CALN1: variants seen among roughly 807,000 people sequenced by gnomAD.
CALN1 encodes the protein calcium-binding protein 8.
A neutral mutation model predicts 30.6 loss-of-function variants in CALN1; 17 were observed. The observed-to-expected ratio is 0.56, with a 90% CI of 0.38 to 0.83. CALN1 has a LOEUF of 0.83. Among genes scored for constraint, CALN1 ranks in the 40% least tolerant of loss-of-function variants. The pLI, the probability that CALN1 is intolerant of heterozygous loss-of-function variation, is 0.00. For missense variants in CALN1, 291 were observed against 354.9 expected, an observed-to-expected ratio of 0.82 and a Z score of 1.45; for synonymous variants, 156 against 131.4, an observed-to-expected ratio of 1.19 and a Z score of -1.28.
chr7:71,865,952 T>C (rs1021029803), intron 5 of CALN1, among the ~76,000 whole-genome samples: 1 of 152,074 alleles, frequency 6.6e-6, no homozygotes, highest in Admixed American at 6.6e-5. Flanking sequence ...AACACAAAAG[T>C]ATACGAATAG....
At position 71,827,775 on chromosome 7, in the gene CALN1, A is replaced by AAATAAATAAAT. The variant is rs1554347604; in HGVS notation, c.502-17284_502-17283insATTTATTTATT. ...TGACAGAGTGAGACTCCATCTTAAA[A>AAATAAATAAAT]AAATAAATAAATAAATAAATAAATA... On this transcript the variant is annotated intron_variant, in intron 5 of 6. Transcript: ENST00000395275. Among the ~76,000 whole-genome samples the AAATAAATAAAT allele has an allele frequency of 5.6e-3, 786 of 140,330 alleles. 14 individuals are homozygous for AAATAAATAAAT. Among genetic ancestry groups the AAATAAATAAAT allele is most frequent in the African/African-American group, 0.02 (745 of 37,084 alleles). The allele number at this position is 140,330 out of a possible 152,430, so 92.1% of individuals were successfully genotyped here.
intron 2 of CALN1, among the ~76,000 whole-genome samples, chr7:72,326,242 CTGATCGTCCT>C (rs1801268166): frequency 6.6e-6 from 1 of 152,130 alleles, no homozygotes; most frequent in African/African-American, 2.4e-5. Context: ...AACTCAGATC[CTGATCGTCCT>C]TGCACAAAGG....
At chr7:72,427,359 C>G (rs1056719844) in intron 1 of CALN1, among the ~76,000 whole-genome samples, 1 of 152,138 alleles carries the variant, frequency 6.6e-6, no homozygotes, top group Non-Finnish European at 1.5e-5. Flanking sequence ...GTTTCATCAG[C>G]AAGGAGCTGG....
chr7:72,499,872 T>TCTTC, the CALN1 span, among the ~76,000 whole-genome samples: 1 of 73,062 alleles, frequency 1.4e-5, no homozygotes. Flanking sequence ...TTTCTTTCTT[T>TCTTC]CTTTCTTTCT....
chr7:72,021,821 C>G (rs1417365989), intron 5 of CALN1, among the ~76,000 whole-genome samples: 1 of 152,186 alleles, frequency 6.6e-6, no homozygotes, highest in African/African-American at 2.4e-5. Flanking sequence ...GCATAGACTT[C>G]CTCCCTTTAC....
intron 3 of CALN1, among the ~76,000 whole-genome samples, chr7:72,113,656 T>C (rs1171725935): frequency 2.0e-5 from 3 of 152,236 alleles, no homozygotes. Flanking sequence ...ACCATGCACA[T>C]TTGTTTCTAT....
rs191757373 is a variant in CALN1 at position 72,300,371 on chromosome 7, T to A, written c.120-21561A>T. On this transcript the variant is annotated intron_variant, in intron 2 of 6. Transcript: ENST00000395275. ...GTCCTGAGATGTAGCCAAAGATTTG[T>A]GTATCAAGAAAAGGCACTGCGTTGT... Among the ~76,000 whole-genome samples, 19 of 151,806 alleles carry A rather than the reference T, an allele frequency of 1.3e-4. No individual in the cohort carries two copies. The East Asian group carries it at 3.3e-3, about 26-fold the overall frequency.
chr7:72,350,288 CCAAAGG>C (rs1203404565), intron 2 of CALN1, among the ~76,000 whole-genome samples: 4 of 152,028 alleles, frequency 2.6e-5, no homozygotes, highest in African/African-American at 9.7e-5. Context: ...GGGTATATAC[CCAAAGG>C]AATATGAATC....
intron 4 of CALN1, among the ~76,000 whole-genome samples, chr7:72,058,834 G>A (rs188715850): frequency 3.9e-5 from 6 of 152,206 alleles, no homozygotes; most frequent in African/African-American, 9.6e-5. Flanking sequence ...GGACAGTGAC[G>A]TGCAAAAGAA....
chr7:71,893,453 G>A (rs1035881777), intron 5 of CALN1, among the ~76,000 whole-genome samples: 4 of 152,084 alleles, frequency 2.6e-5, no homozygotes, highest in South Asian at 2.1e-4. Flanking sequence ...TTGGGGGGCC[G>A]AGGCAAGGTG....
chr7:71,797,285 C>T (rs1786985608), intron 6 of CALN1, among the ~76,000 whole-genome samples: 1 of 152,156 alleles, frequency 6.6e-6, no homozygotes, highest in South Asian at 2.1e-4. Flanking sequence ...AAAAATAAAA[C>T]AGTAGCAGTC....
At chr7:72,381,817 T>C (rs994099883) in intron 2 of CALN1, among the ~76,000 whole-genome samples, 4 of 152,182 alleles carry the variant, frequency 2.6e-5, no homozygotes, top group African/African-American at 9.7e-5. Context: ...TGTATACTTA[T>C]GTAACCTGCA....
chr7:71,985,579 GTTT>G (rs1798621709), intron 5 of CALN1, among the ~76,000 whole-genome samples: 1 of 131,878 alleles, frequency 7.6e-6, no homozygotes, highest in African/African-American at 2.9e-5. Context: ...TGTACAGGTA[GTTT>G]TCTTTTTTTT....
chr7:71,856,179 G>A (rs1790935888), intron 5 of CALN1, among the ~76,000 whole-genome samples: 1 of 151,468 alleles, frequency 6.6e-6, no homozygotes. Flanking sequence ...GCCCTTGCCT[G>A]GGGTGATACA....
At position 72,181,105 on chromosome 7, in the gene CALN1, C is replaced by CG. The variant is rs1036092048; in HGVS notation, c.245-74812_245-74811insC. Among the ~76,000 whole-genome samples, 5 of 89,900 alleles carry CG rather than the reference C, an allele frequency of 5.6e-5. No homozygotes were observed. In the East Asian group the frequency reaches 1.7e-3, roughly 30 times the overall value. The allele number at this position is 89,900 out of a possible 152,430, so 59.0% of individuals were successfully genotyped here. On this transcript the variant is annotated intron_variant, in intron 3 of 6. Coordinates refer to ENST00000395275, the MANE Select transcript of CALN1 (RefSeq NM_031468.4). ...AGAGCGAAACTGCATAACCCCCCCC[C>CG]CCCCCAAAAAAAAAAAAAATTTTTG...
At chr7:72,224,502 G>C (rs909052612) in intron 3 of CALN1, among the ~76,000 whole-genome samples, 1 of 152,200 alleles carries the variant, frequency 6.6e-6, no homozygotes, top group Non-Finnish European at 1.5e-5. Flanking sequence ...AGCAGGATAT[G>C]GCCAGACATG....
intron 2 of CALN1, among the ~76,000 whole-genome samples, chr7:72,368,531 G>A (rs894465209): frequency 2.6e-5 from 4 of 151,848 alleles, no homozygotes; most frequent in African/African-American, 9.7e-5. Context: ...AAGGAGAAAT[G>A]AAAATGTCTA....
chr7:72,403,994 A>G (rs1049557395), intron 1 of CALN1, among the ~76,000 whole-genome samples: 5 of 152,160 alleles, frequency 3.3e-5, no homozygotes, highest in Non-Finnish European at 7.4e-5. Context: ...GCATCCCATT[A>G]CCAGCTCCAG....
In CALN1 at chr7:71,787,800, T is replaced by A. The variant is rs1793062071; in HGVS notation, c.761A>T (p.Gln254Leu). Residue 254 changes from glutamine to leucine, a missense_variant, in exon 7 of 7, where the codon CAG (glutamine) becomes CTG (leucine). Gln to Leu is a moderately radical substitution (Grantham distance 113, BLOSUM62 -2). Transcript: ENST00000395275. Reference protein sequence around the residue: ...IISVMLIAANQILRSGME With the variant: ...IISVMLIAANLILRSGME Reference sequence around the variant, plus strand: ...CTACTCCATGCCGCTCCGGAGTATCTGGTTGGCTGCAATCAGCATGACACT... The same window carrying A: ...CTACTCCATGCCGCTCCGGAGTATCAGGTTGGCTGCAATCAGCATGACACT... The A allele has an allele frequency of 6.2e-7, 1 of 1,613,944 alleles. No individual in the cohort carries two copies. The highest frequency in any genetic ancestry group is 8.5e-7 in the Non-Finnish European group (1 of 1,180,038).
Sources: allele counts gnomAD v4.1 joint callset (sites outside exome capture counted in the v4.1 genomes callset), GRCh38; gene constraint gnomAD v4.1.1; transcripts MANE v1.5; gene names NCBI Gene and HGNC (gene_info 2026-07-23, HGNC 2026-07-21).